VPS37C: variants seen among roughly 807,000 people sequenced by gnomAD.
VPS37C encodes the protein VPS37C subunit of ESCRT-I.
A neutral mutation model predicts 16.1 loss-of-function variants in VPS37C; 9 were observed. The observed-to-expected ratio is 0.56, with a 90% CI of 0.34 to 0.97. The LOEUF (loss-of-function observed/expected upper bound fraction) is 0.97, where lower values mean the gene tolerates loss of function less well. Ranked by LOEUF, VPS37C falls within the 50% of genes least tolerant of loss-of-function variation. VPS37C has a pLI of 0.02. For missense variants in VPS37C, 479 were observed against 472.7 expected, an observed-to-expected ratio of 1.01 and a Z score of -0.12; for synonymous variants, 207 against 206.4, an observed-to-expected ratio of 1.00 and a Z score of -0.02.
intron 4 of VPS37C, 99 bp from the exon 5 acceptor site, chr11:61,132,638 G>A (rs1238574021): frequency 3.4e-6 from 5 of 1,464,568 alleles, no homozygotes; most frequent in South Asian, 1.4e-5. Context: ...CCCACCTCAC[G>A]CCGCCTCAGG....
At chr11:61,150,510 C>T (rs866378918) in intron 1 of VPS37C, among the ~76,000 whole-genome samples, 16 of 151,178 alleles carry the variant, frequency 1.1e-4, no homozygotes, top group Middle Eastern at 3.2e-3. Flanking sequence ...CCCATTTGCC[C>T]AGTTTGGCCT....
chr11:61,149,266 A>C (rs1457201814), intron 1 of VPS37C, among the ~76,000 whole-genome samples: 1 of 152,210 alleles, frequency 6.6e-6, no homozygotes, highest in Non-Finnish European at 1.5e-5. Flanking sequence ...AGCCTCGGCG[A>C]CAGAGCGAGA....
At chr11:61,142,852 C>T (rs1385728129) in intron 1 of VPS37C, among the ~76,000 whole-genome samples, 3 of 145,918 alleles carry the variant, frequency 2.1e-5, no homozygotes, top group African/African-American at 7.6e-5. Context: ...ATACCTAATG[C>T]TAGATGACGA....
chr11:61,135,191 C>T (rs2134629890), intron 2 of VPS37C, among the ~76,000 whole-genome samples: 1 of 152,360 alleles, frequency 6.6e-6, no homozygotes. Context: ...CAGACTGGCT[C>T]ATGCCCCACG....
chr11:61,149,907 G>A (rs1853271582), intron 1 of VPS37C, among the ~76,000 whole-genome samples: 1 of 152,186 alleles, frequency 6.6e-6, no homozygotes, highest in South Asian at 2.1e-4. Context: ...CACCCAGAGT[G>A]GCAGAAGACT....
In VPS37C at chr11:61,131,574, G is replaced by C. The variant is rs1348932218; in HGVS notation, c.*246C>G. ...GGCGAGAGGTGCTGGACTCCAGCCT[G>C]GCTAGCACCGCTGCAGCCAGGCACT... On this transcript the variant is annotated 3_prime_UTR_variant, in exon 5 of 5. Coordinates refer to ENST00000301765, the MANE Select transcript of VPS37C (RefSeq NM_017966.5). 6.8e-6 allele frequency: 3 copies of C among 441,770 alleles called. No individual in the cohort carries two copies. The highest frequency in any genetic ancestry group is 1.1e-5 in the Non-Finnish European group (3 of 268,510). 27.4% of individuals were successfully genotyped at this position (441,770 alleles called of 1,614,324 possible).
chr11:61,131,697 T>TCCCTCCAAG lies in VPS37C; in HGVS notation c.*122_*123insCTTGGAGGG. On this transcript the variant is annotated 3_prime_UTR_variant, in exon 5 of 5. Transcript: ENST00000301765. ...GCCTTGTCCCTCCAAGGCCTCTGGG[T>TCCCTCCAAG]GCCGACGCAAGTCCACAGGGAGCAC... 4 of 1,213,316 alleles carry TCCCTCCAAG rather than the reference T, an allele frequency of 3.3e-6. No individual in the cohort carries two copies. The highest frequency in any genetic ancestry group is 4.1e-6 in the Non-Finnish European group (4 of 971,410). The allele number at this position is 1,213,316 out of a possible 1,614,324, so 75.2% of individuals were successfully genotyped here. A position where few individuals can be genotyped will look rare whatever the true frequency, so the allele number is the denominator to read the frequency against.
chr11:61,148,495 A>G (rs657643), intron 1 of VPS37C, among the ~76,000 whole-genome samples: 112,593 of 151,574 alleles, frequency 0.74, 43,351 homozygotes, highest in East Asian at 1. Context: ...TTGCAGGCCT[A>G]ATCTGGTTTT....
chr11:61,131,909 A>G lies in VPS37C; in HGVS notation c.979T>C (p.Ser327Pro). Residue 327 changes from serine to proline, a missense_variant, in exon 5 of 5, where the codon TCA becomes CCA. By Grantham distance (74) the Ser-to-Pro change is moderately conservative (BLOSUM62 -1). Transcript: ENST00000301765. ...LPSFPGQPQP[S>P]VPLQPPYPPG... ...GGATAAGGGGGCTGCAGGGGCACTG[A>G]GGGCTGGGGCTGGCCTGGAAAGCTG... The G allele has an allele frequency of 7.8e-7, 1 of 1,284,656 alleles. No homozygotes were observed. The highest frequency in any genetic ancestry group is 3.1e-5 in the South Asian group (1 of 31,896). 79.6% of individuals were successfully genotyped at this position (1,284,656 alleles called of 1,614,324 possible).
intron 1 of VPS37C, among the ~76,000 whole-genome samples, chr11:61,149,819 C>A (rs543864491): frequency 1.3e-5 from 2 of 152,230 alleles, no homozygotes; most frequent in South Asian, 2.1e-4. Context: ...ATCTGACCCC[C>A]CTTTGTCCAG....
intron 1 of VPS37C, chr11:61,145,540 C>T (rs897196404): frequency 2.0e-5 from 3 of 152,600 alleles, no homozygotes; most frequent in African/African-American, 7.2e-5. Flanking sequence ...CCACAGCCAT[C>T]ACCTGCTCCT....
chr11:61,141,679 G>A (rs895008331), intron 1 of VPS37C, among the ~76,000 whole-genome samples: 7 of 152,196 alleles, frequency 4.6e-5, no homozygotes, highest in Non-Finnish European at 7.3e-5. Context: ...CTCACAGGGC[G>A]GGTGCGAGGT....
chr11:61,156,697 C>T (rs575614021), intron 1 of VPS37C, among the ~76,000 whole-genome samples: 53 of 152,266 alleles, frequency 3.5e-4, no homozygotes, highest in Middle Eastern at 6.8e-3. Flanking sequence ...AGAGATATAC[C>T]GTAATTTTTA....
Position 61,134,077 on chromosome 11 carries a change from C to T in VPS37C, c.224G>A (p.Arg75Gln), listed in dbSNP as rs202184415. Residue 75 changes from arginine to glutamine, a missense_variant, in exon 3 of 5, where the codon CGG (arginine) becomes CAG (glutamine). Transcript: ENST00000301765. ...CTCCTGGCACCGCTCCACGAGCTTC[C>T]GGAGCTCCTGGTATCTATCCGAGAG... Reference protein sequence around the residue: ...SNLSDRYQELRKLVERCQEQK... With the variant: ...SNLSDRYQELQKLVERCQEQK... 21 of 1,613,292 alleles carry T rather than the reference C, an allele frequency of 1.3e-5. No homozygotes were observed. In the African/African-American group the frequency reaches 1.7e-4, roughly 13 times the overall value.
intron 1 of VPS37C, among the ~76,000 whole-genome samples, chr11:61,160,822 A>C (rs1029524004): frequency 6.6e-6 from 1 of 152,218 alleles, no homozygotes. Context: ...TCCCGGGGTA[A>C]GAAATGTTCA....
chr11:61,158,749 C>G (rs1350646784), intron 1 of VPS37C, among the ~76,000 whole-genome samples: 2 of 152,346 alleles, frequency 1.3e-5, no homozygotes, highest in East Asian at 1.9e-4. Flanking sequence ...AGGGGTCCTA[C>G]TTGTCAGCCC....
At chr11:61,156,647 A>G (rs1178086125) in intron 1 of VPS37C, among the ~76,000 whole-genome samples, 2 of 152,244 alleles carry the variant, frequency 1.3e-5, no homozygotes, top group African/African-American at 4.8e-5. Context: ...CCCACTTTCA[A>G]TATAAAGACA....
At chr11:61,136,867 G>A (rs764564685) in intron 2 of VPS37C, among the ~76,000 whole-genome samples, 3 of 152,154 alleles carry the variant, frequency 2.0e-5, no homozygotes, top group Non-Finnish European at 4.4e-5. Flanking sequence ...AAATTAGCCA[G>A]GTGTGGTGGT....
At chr11:61,143,183 C>T (rs1463302314) in intron 1 of VPS37C, among the ~76,000 whole-genome samples, 1 of 151,632 alleles carries the variant, frequency 6.6e-6, no homozygotes, top group Non-Finnish European at 1.5e-5. Context: ...CAGTGGGCGT[C>T]AATATCACCC....
Sources: allele counts gnomAD v4.1 joint callset (sites outside exome capture counted in the v4.1 genomes callset), GRCh38; gene constraint gnomAD v4.1.1; transcripts MANE v1.5; gene names NCBI Gene and HGNC (gene_info 2026-07-23, HGNC 2026-07-21).